The following FGF14 variants were observed in gnomAD, a reference collection of about 807,000 sequenced individuals.
FGF14 encodes fibroblast growth factor 14.
In FGF14, 5 loss-of-function variants were observed where a neutral mutation model predicts 25.5. The observed-to-expected ratio is 0.20, with a 90% CI of 0.10 to 0.41. The LOEUF (loss-of-function observed/expected upper bound fraction) is 0.41, where lower values mean the gene tolerates loss of function less well. Among genes scored for constraint, FGF14 ranks in the 10% least tolerant of loss-of-function variants. The pLI is 1.00. For synonymous variants in FGF14, 138 were observed against 118.3 expected (o/e 1.17, Z -1.08); for missense variants, 222 against 320.1 (o/e 0.69, Z 2.34).
At position 101,714,385 on chromosome 13, in the gene FGF14, A is replaced by T. The variant is rs1594008274; in HGVS notation, c.*8446T>A. The stretch of plus-strand genomic sequence containing the variant: ...GTGTGTCAACGATATTCTATTCGAG[A>T]TGGAAACCTTTAGTTATAAGGTGAT... On this transcript the variant is annotated 3_prime_UTR_variant, in exon 5 of 5. Transcript: ENST00000376143. 2.0e-6 allele frequency: 2 copies of T among 1,012,962 alleles called. No individual in the cohort carries two copies. Among genetic ancestry groups the T allele is most frequent in the African/African-American group, 1.6e-5 (1 of 63,220 alleles). The allele number at this position is 1,012,962 out of a possible 1,614,324, so 62.7% of individuals were successfully genotyped here. A position where few individuals can be genotyped will look rare whatever the true frequency, so the allele number is the denominator to read the frequency against.
intron 3 of FGF14, among the ~76,000 whole-genome samples, chr13:101,831,613 G>C (rs1235124172): frequency 6.6e-6 from 1 of 151,996 alleles, no homozygotes; most frequent in Admixed American, 6.6e-5. Flanking sequence ...AAATGGCTTT[G>C]TTGTCTCAAG....
intron 3 of FGF14, among the ~76,000 whole-genome samples, chr13:101,831,211 C>T (rs576762518): frequency 2.2e-4 from 34 of 151,816 alleles, no homozygotes; most frequent in African/African-American, 5.1e-4. Context: ...AAGTACCAGA[C>T]GTCTAATAAG....
At chr13:102,038,595 C>A (rs936028381) in intron 1 of FGF14, among the ~76,000 whole-genome samples, 3 of 152,020 alleles carry the variant, frequency 2.0e-5, no homozygotes, top group Non-Finnish European at 4.4e-5. Context: ...GTTCCTAAAC[C>A]TGCAAGAAAT....
intron 1 of FGF14, among the ~76,000 whole-genome samples, chr13:102,202,995 C>T (rs538301694): frequency 1.3e-5 from 2 of 152,236 alleles, no homozygotes; most frequent in South Asian, 4.1e-4. Context: ...TAACTAATAA[C>T]CAGATCAGGA....
intron 1 of FGF14, among the ~76,000 whole-genome samples, chr13:102,097,870 T>G (rs1272883841): frequency 6.6e-6 from 1 of 152,138 alleles, no homozygotes; most frequent in African/African-American, 2.4e-5. Context: ...CTGATATCTG[T>G]GAGAGCACAT....
chr13:102,181,908 G>A (rs1657342151), intron 1 of FGF14, among the ~76,000 whole-genome samples: 1 of 152,150 alleles, frequency 6.6e-6, no homozygotes, highest in South Asian at 2.1e-4. Context: ...ACAAGAAAAG[G>A]AAGGATCCTA....
At chr13:101,733,203 A>T (rs2035924847) in intron 3 of FGF14, among the ~76,000 whole-genome samples, 1 of 152,188 alleles carries the variant, frequency 6.6e-6, no homozygotes, top group African/African-American at 2.4e-5. Context: ...GTAGTCAAAA[A>T]TTTTTAATAT....
intron 1 of FGF14, among the ~76,000 whole-genome samples, chr13:102,048,110 G>A (rs958630098): frequency 6.6e-6 from 1 of 151,914 alleles, no homozygotes; most frequent in Non-Finnish European, 1.5e-5. Context: ...TCCATGAAAC[G>A]ACTTGCTCCA....
chr13:101,807,850 T>C (rs1401769887), intron 3 of FGF14, among the ~76,000 whole-genome samples: 1 of 152,070 alleles, frequency 6.6e-6, no homozygotes, highest in Non-Finnish European at 1.5e-5. Flanking sequence ...ATTTAATAAC[T>C]TCTATAATAA....
chr13:102,047,746 G>A (rs1391723909), intron 1 of FGF14, among the ~76,000 whole-genome samples: 1 of 152,024 alleles, frequency 6.6e-6, no homozygotes, highest in Admixed American at 6.6e-5. Flanking sequence ...GAGTTAATGG[G>A]TGCAGCACAC....
chr13:102,259,587 C>A lies in FGF14; in HGVS notation c.208+141884G>T, dbSNP rs140092027. On this transcript the variant is annotated intron_variant, in intron 1 of 4. Coordinates refer to the FGF14 transcript ENST00000376131. The stretch of plus-strand genomic sequence containing the variant: ...TAAATTTGCTTATCTCTGGATTTAT[C>A]GACCCTGTGGGAGCCCTCCCCCCCA... Among the ~76,000 whole-genome samples the A allele has an allele frequency of 2.3e-3, 350 of 152,218 alleles. 1 individual carries two copies. Among genetic ancestry groups the A allele is most frequent in the African/African-American group, 7.8e-3 (323 of 41,524 alleles).
chr13:102,040,050 G>A (rs1222511294), intron 1 of FGF14, among the ~76,000 whole-genome samples: 2 of 152,014 alleles, frequency 1.3e-5, no homozygotes, highest in Non-Finnish European at 2.9e-5. Context: ...AGGCCTCTCT[G>A]AAAATGTTAC....
chr13:102,120,632 T>C (rs1475856819), intron 1 of FGF14, among the ~76,000 whole-genome samples: 6 of 151,926 alleles, frequency 3.9e-5, no homozygotes, highest in African/African-American at 9.7e-5. Context: ...AAAAAAATGG[T>C]CCACAACCTG....
intron 1 of FGF14, among the ~76,000 whole-genome samples, chr13:101,977,940 TA>T (rs10708269): frequency 0.38 from 52,382 of 137,786 alleles, 9,537 homozygotes; most frequent in East Asian, 0.7. Context: ...TTTCTCAATG[TA>T]AAAAAAAAAA....
intron 1 of FGF14, among the ~76,000 whole-genome samples, chr13:102,190,451 A>G (rs665239): frequency 0.84 from 127,449 of 152,138 alleles, 53,961 homozygotes; most frequent in African/African-American, 0.95. Context: ...GGTAGAGTCC[A>G]GGGATATTGT....
At position 101,926,798 on chromosome 13, in the gene FGF14, G is replaced by T. The variant is rs183320152; in HGVS notation, c.209-51502C>A. Reference sequence around the variant, plus strand: ...CTTTCATTTTTATATAGCTGTAGGGGAAGTAGATAATTGGTCTTTCCTTTT... The same window carrying T: ...CTTTCATTTTTATATAGCTGTAGGGTAAGTAGATAATTGGTCTTTCCTTTT... On this transcript the variant is annotated intron_variant, in intron 1 of 4. Coordinates refer to the FGF14 transcript ENST00000376131. Among the ~76,000 whole-genome samples, 142 of 152,310 alleles carry T rather than the reference G, an allele frequency of 9.3e-4. 1 individual carries two copies. Among genetic ancestry groups the T allele is most frequent in the Admixed American group, 1.2e-3 (18 of 15,304 alleles).
chr13:102,085,368 C>T (rs965032416), intron 1 of FGF14, among the ~76,000 whole-genome samples: 1 of 152,112 alleles, frequency 6.6e-6, no homozygotes, highest in African/African-American at 2.4e-5. Context: ...GATTCCCTCA[C>T]CCCAAATCCC....
At chr13:101,992,103 A>C (rs1001158263) in intron 1 of FGF14, among the ~76,000 whole-genome samples, 2 of 152,142 alleles carry the variant, frequency 1.3e-5, no homozygotes. Context: ...ACCTAAACAT[A>C]AGCCTACAGA....
intron 1 of FGF14, among the ~76,000 whole-genome samples, chr13:101,915,683 G>A (rs1007557505): frequency 1.3e-5 from 2 of 152,188 alleles, no homozygotes; most frequent in South Asian, 4.1e-4. Context: ...AACTATTCTA[G>A]TCACCTTTAT....
Sources: gnomAD v4.1 joint callset for allele counts (sites outside exome capture counted in the v4.1 genomes callset) on GRCh38, gnomAD v4.1.1 for gene constraint, MANE v1.5 for transcripts, NCBI Gene and HGNC (gene_info 2026-07-23, HGNC 2026-07-21) for gene names.